Variants in ABI3BP observed in about 807,000 individuals in gnomAD.
ABI3BP encodes target of Nesh-SH3.
A neutral mutation model predicts 268.6 loss-of-function variants in ABI3BP; 216 were observed. The ratio of observed to expected loss-of-function variants is 0.80; its 90% CI spans 0.72 to 0.90. ABI3BP has a LOEUF of 0.90. Ranked by LOEUF, ABI3BP falls within the 40% of genes least tolerant of loss-of-function variation. The pLI is 0.00. For synonymous variants in ABI3BP, 730 were observed against 730.0 expected, an observed-to-expected ratio of 1.00 and a Z score of 0.00; for missense variants, 2,090 against 2,182.4, an observed-to-expected ratio of 0.96 and a Z score of 0.84.
intron 4 of ABI3BP, among the ~76,000 whole-genome samples, chr3:100,897,028 A>G (rs1287172812): frequency 6.6e-6 from 1 of 152,200 alleles, no homozygotes; most frequent in Non-Finnish European, 1.5e-5. Context: ...CCTTCATTTT[A>G]GTTTGATTTG....
At chr3:100,943,291 TC>T (rs1157603528) in intron 1 of ABI3BP, among the ~76,000 whole-genome samples, 2 of 152,126 alleles carry the variant, frequency 1.3e-5, no homozygotes, top group African/African-American at 4.8e-5. Flanking sequence ...CATCATTCAT[TC>T]CATCTTAATT....
At chr3:100,858,909 C>T (rs955237719) in intron 14 of ABI3BP, among the ~76,000 whole-genome samples, 7 of 152,220 alleles carry the variant, frequency 4.6e-5, no homozygotes, top group Non-Finnish European at 1.0e-4. Context: ...GATGTGGCTT[C>T]TCAACCAGTC....
At chr3:100,909,560 A>G (rs1322483136) in intron 2 of ABI3BP, among the ~76,000 whole-genome samples, 1 of 152,188 alleles carries the variant, frequency 6.6e-6, no homozygotes, top group Non-Finnish European at 1.5e-5. Flanking sequence ...AACTTAAACA[A>G]ATTTACAAGA....
chr3:100,776,787 G>A (rs1166543683), intron 59 of ABI3BP, among the ~76,000 whole-genome samples: 2 of 152,210 alleles, frequency 1.3e-5, no homozygotes, highest in Non-Finnish European at 2.9e-5. Flanking sequence ...TGGGTGGGCT[G>A]TACCAAAGCT....
At chr3:100,801,456 G>GAA (rs201538753) in intron 51 of ABI3BP, among the ~76,000 whole-genome samples, 1 of 145,122 alleles carries the variant, frequency 6.9e-6, no homozygotes, top group African/African-American at 2.5e-5. Context: ...GAAAAGAAAA[G>GAA]AAAAAAAGAT....
chr3:100,768,955 G>A (rs1344119361), intron 62 of ABI3BP, among the ~76,000 whole-genome samples: 2 of 152,222 alleles, frequency 1.3e-5, no homozygotes, highest in Non-Finnish European at 2.9e-5. Flanking sequence ...TGTCTTCACT[G>A]GAGGTGAATA....
intron 4 of ABI3BP, among the ~76,000 whole-genome samples, chr3:100,890,768 CTTCA>C (rs952618120): frequency 1.3e-5 from 2 of 152,134 alleles, no homozygotes; most frequent in African/African-American, 4.8e-5. Context: ...AAAATCTACT[CTTCA>C]TTTTCTTTTC....
chr3:100,808,892 A>T (rs1379940938), intron 49 of ABI3BP, among the ~76,000 whole-genome samples: 1 of 152,196 alleles, frequency 6.6e-6, no homozygotes, highest in African/African-American at 2.4e-5. Flanking sequence ...AGGAATTATC[A>T]GATGCAAGGT....
At chr3:100,834,585 C>T in intron 29 of ABI3BP, 99 bp downstream of exon 29, 1 of 1,163,618 alleles carries the variant, frequency 8.6e-7, no homozygotes, top group South Asian at 1.4e-5. Flanking sequence ...GGGCCTTCAC[C>T]CCAAGGGTCA....
chr3:100,825,425 A>G (rs531637478), intron 35 of ABI3BP, among the ~76,000 whole-genome samples: 1 of 152,296 alleles, frequency 6.6e-6, no homozygotes, highest in South Asian at 2.1e-4. Flanking sequence ...GGAAAGTAAG[A>G]ATAGCCGTTA....
Position 100,829,661 on chromosome 3 carries a change from G to A in ABI3BP, c.2462C>T (p.Pro821Leu). Residue 821 changes from proline to leucine, a missense_variant, in exon 33 of 68, where the codon CCC becomes CTC. Physicochemically the swap from Pro to Leu is moderately conservative, Grantham distance 98 (BLOSUM62 -3). Coordinates refer to ENST00000471714, the MANE Select transcript of ABI3BP (RefSeq NM_001375547.2). ...RTEASGTTAAPKVPQRTHRPH... is the reference protein window; with the variant it reads ...RTEASGTTAALKVPQRTHRPH... Reference sequence around the variant, plus strand: ...ACGATGAGTTCGTTGAGGCACTTTGGGAGCTAAAGGAAGAAAACTTCAGGT... The same window carrying A: ...ACGATGAGTTCGTTGAGGCACTTTGAGAGCTAAAGGAAGAAAACTTCAGGT... 2 of 1,535,072 alleles carry A rather than the reference G, an allele frequency of 1.3e-6. No homozygotes were observed. Among genetic ancestry groups the A allele is most frequent in the Non-Finnish European group, 1.7e-6 (2 of 1,145,988 alleles).
At chr3:100,978,480 G>A (rs1035052731) in intron 1 of ABI3BP, among the ~76,000 whole-genome samples, 4 of 152,086 alleles carry the variant, frequency 2.6e-5, no homozygotes, top group African/African-American at 9.7e-5. Flanking sequence ...CCCACTAATA[G>A]CTCATAATGT....
intron 2 of ABI3BP, among the ~76,000 whole-genome samples, chr3:100,907,625 C>A (rs1274206486): frequency 1.3e-5 from 2 of 151,952 alleles, no homozygotes; most frequent in East Asian, 3.9e-4. Context: ...GGAAAATGTT[C>A]AAAAAATCTT....
intron 1 of ABI3BP, among the ~76,000 whole-genome samples, chr3:100,948,819 T>G (rs2073685531): frequency 6.6e-6 from 1 of 152,194 alleles, no homozygotes. Context: ...TTATACTGGT[T>G]GAGCATCACA....
intron 61 of ABI3BP, among the ~76,000 whole-genome samples, chr3:100,771,421 T>G (rs1040704370): frequency 2.0e-5 from 3 of 151,658 alleles, no homozygotes; most frequent in African/African-American, 7.3e-5. Context: ...ACCTAAAAGG[T>G]AAAATTCATA....
At chr3:100,879,343 G>A (rs116744727) in intron 6 of ABI3BP, among the ~76,000 whole-genome samples, 1,709 of 152,288 alleles carry the variant, frequency 0.011, 24 homozygotes, top group African/African-American at 0.039. Flanking sequence ...GGCTGTGGCT[G>A]CAGCTGCAGA....
At chr3:100,952,627 G>A (rs2075477087) in intron 1 of ABI3BP, 2 of 152,152 alleles carry the variant, frequency 1.3e-5, no homozygotes, top group South Asian at 2.1e-4. Flanking sequence ...TAAGAAAATT[G>A]TGCAGGCTTC....
intron 59 of ABI3BP, among the ~76,000 whole-genome samples, chr3:100,776,427 G>A (rs1320889886): frequency 6.6e-6 from 1 of 152,210 alleles, no homozygotes; most frequent in Non-Finnish European, 1.5e-5. Flanking sequence ...AACAGGAAAT[G>A]CTGGCATAGC....
At chr3:100,842,525 A>G (rs918799630) in intron 20 of ABI3BP, among the ~76,000 whole-genome samples, 2 of 152,206 alleles carry the variant, frequency 1.3e-5, no homozygotes, top group South Asian at 2.1e-4. Flanking sequence ...AGCGACCACA[A>G]CTGTTCATAT....
Sources: gnomAD v4.1 joint callset for allele counts (sites outside exome capture counted in the v4.1 genomes callset) on GRCh38, gnomAD v4.1.1 for gene constraint, MANE v1.5 for transcripts, NCBI Gene and HGNC (gene_info 2026-07-23, HGNC 2026-07-21) for gene names.